Variants in SPATA6 observed in about 807,000 individuals in gnomAD.
SPATA6 encodes spermatogenesis associated 6.
Under a neutral mutation model 65.3 loss-of-function variants are expected in SPATA6, and 56 were observed. The ratio of observed to expected loss-of-function variants is 0.86; its 90% CI spans 0.69 to 1.07. The LOEUF is 1.07. SPATA6 is among the 50% of genes least tolerant of loss of function. SPATA6 has a pLI of 0.00. For synonymous variants in SPATA6, 199 were observed against 213.2 expected, an observed-to-expected ratio of 0.93 and a Z score of 0.58; for missense variants, 590 against 594.8, an observed-to-expected ratio of 0.99 and a Z score of 0.08.
intron 3 of SPATA6, among the ~76,000 whole-genome samples, chr1:48,428,893 T>TTG (rs1377941751): frequency 4.8e-5 from 6 of 123,802 alleles, no homozygotes; most frequent in African/African-American, 1.8e-4. Context: ...GTGTGTGTGT[T>TTG]TGTGTGTGTG....
intron 11 of SPATA6, among the ~76,000 whole-genome samples, chr1:48,328,254 G>T (rs1394255354): frequency 6.6e-6 from 1 of 152,040 alleles, no homozygotes; most frequent in Non-Finnish European, 1.5e-5. Context: ...ATAAATAATA[G>T]TTTGGCAATT....
chr1:48,317,589 A>T (rs1028980898), intron 11 of SPATA6, among the ~76,000 whole-genome samples: 8 of 152,166 alleles, frequency 5.3e-5, no homozygotes, highest in African/African-American at 1.7e-4. Context: ...ATGATGAGTT[A>T]ATGGGTGCAG....
chr1:48,311,094 T>A (rs1472178905), intron 11 of SPATA6, among the ~76,000 whole-genome samples: 1 of 152,078 alleles, frequency 6.6e-6, no homozygotes, highest in East Asian at 1.9e-4. Context: ...TAGAGGAACA[T>A]GGCTATAAAC....
intron 8 of SPATA6, among the ~76,000 whole-genome samples, chr1:48,394,903 C>G (rs1175986448): frequency 6.6e-6 from 1 of 151,898 alleles, no homozygotes; most frequent in African/African-American, 2.4e-5. Context: ...AAAACCATTC[C>G]TAACAACGTA....
At chr1:48,315,387 T>C (rs918961601) in intron 11 of SPATA6, among the ~76,000 whole-genome samples, 2 of 151,750 alleles carry the variant, frequency 1.3e-5, no homozygotes, top group Non-Finnish European at 1.5e-5. Context: ...TGGTTCAACA[T>C]ACACAAATCA....
chr1:48,294,904 A>T (rs546857027), downstream of SPATA6, among the ~76,000 whole-genome samples: 1 of 152,146 alleles, frequency 6.6e-6, no homozygotes, highest in Non-Finnish European at 1.5e-5. Context: ...ATGCCTCTGC[A>T]TGTTCTGTTT....
intron 11 of SPATA6, among the ~76,000 whole-genome samples, chr1:48,340,241 TAAAAAAAAAAAAAAAAA>T (rs58721253): frequency 1.9e-5 from 1 of 53,062 alleles, no homozygotes; most frequent in African/African-American, 1.7e-4. Context: ...AGGCCTGCAC[TAAAAAAAAAAAAAAAAA>T]AAAAAAAAAA....
At chr1:48,385,278 C>T in intron 9 of SPATA6, 31 bp downstream of exon 9, 3 of 1,570,150 alleles carry the variant, frequency 1.9e-6, no homozygotes, top group East Asian at 2.3e-5. Context: ...AAAGCCAGAA[C>T]AATTATTATT....
intron 11 of SPATA6, among the ~76,000 whole-genome samples, chr1:48,328,695 T>G (rs1645833498): frequency 6.6e-6 from 1 of 152,156 alleles, no homozygotes; most frequent in Non-Finnish European, 1.5e-5. Context: ...GTGATTTTTT[T>G]GAGTATAGTA....
At position 48,295,932 on chromosome 1, in the gene SPATA6, C is replaced by A. The variant is rs1644805975; in HGVS notation, c.*2781G>T. On this transcript the variant is annotated 3_prime_UTR_variant, in exon 13 of 13. Coordinates refer to ENST00000371847, the MANE Select transcript of SPATA6 (RefSeq NM_019073.4). The stretch of plus-strand genomic sequence containing the variant: ...TTTTATCACCTTGTTGGTGAGAAAA[C>A]TGAGCTCCAAGAAGCATAAATGACT... 6.6e-6 allele frequency: 1 copy of A among 152,010 alleles called. No homozygotes were observed. The highest frequency in any genetic ancestry group is 2.1e-4 in the South Asian group (1 of 4,824). 9.4% of individuals were successfully genotyped at this position (152,010 alleles called of 1,614,324 possible).
intron 10 of SPATA6, among the ~76,000 whole-genome samples, chr1:48,356,360 C>G (rs1170037592): frequency 6.6e-6 from 1 of 151,582 alleles, no homozygotes; most frequent in African/African-American, 2.4e-5. Flanking sequence ...AAAACTGACA[C>G]TAGTATAGAT....
At chr1:48,279,608 G>A in the SPATA6 span, among the ~76,000 whole-genome samples, 30 of 152,118 alleles carry the variant, frequency 2.0e-4, no homozygotes, top group Admixed American at 3.3e-4. Flanking sequence ...ATGGTAAAGG[G>A]ATCAATTCAA....
the SPATA6 span, among the ~76,000 whole-genome samples, chr1:48,264,771 T>C: frequency 6.6e-6 from 1 of 152,232 alleles, no homozygotes; most frequent in African/African-American, 2.4e-5. Context: ...CTATCGTTGA[T>C]GGGCATTTGG....
chr1:48,439,335 G>A (rs1247252400), intron 3 of SPATA6, among the ~76,000 whole-genome samples: 1 of 152,176 alleles, frequency 6.6e-6, no homozygotes, highest in Non-Finnish European at 1.5e-5. Context: ...CTGCTGCTGC[G>A]ATGCTGAGCG....
chr1:48,391,087 G>A (rs1050765017), intron 8 of SPATA6, among the ~76,000 whole-genome samples: 2 of 151,736 alleles, frequency 1.3e-5, no homozygotes, highest in African/African-American at 2.4e-5. Context: ...AAGGACATCC[G>A]GACACGGTGC....
At chr1:48,275,454 C>T in the SPATA6 span, among the ~76,000 whole-genome samples, 1 of 152,124 alleles carries the variant, frequency 6.6e-6, no homozygotes, top group Non-Finnish European at 1.5e-5. Flanking sequence ...TTTGCCCATT[C>T]AGTATGATAT....
chr1:48,421,083 C>A (rs932259437), intron 3 of SPATA6, among the ~76,000 whole-genome samples: 2 of 151,952 alleles, frequency 1.3e-5, no homozygotes, highest in Non-Finnish European at 2.9e-5. Flanking sequence ...TTGATGAGTA[C>A]AAGATTACAG....
At chr1:48,294,499 A>G (rs1644788238), downstream of SPATA6, among the ~76,000 whole-genome samples, 1 of 152,232 alleles carries the variant, frequency 6.6e-6, no homozygotes, top group African/African-American at 2.4e-5. Context: ...ATGGTCACAT[A>G]TAAATTAGGA....
At chr1:48,318,089 C>G (rs149973977) in intron 11 of SPATA6, among the ~76,000 whole-genome samples, 158 of 152,204 alleles carry the variant, frequency 1.0e-3, no homozygotes, top group African/African-American at 3.7e-3. Flanking sequence ...AAGCATTTGA[C>G]AAATACCAAG....
Sources: allele counts gnomAD v4.1 joint callset (sites outside exome capture counted in the v4.1 genomes callset), GRCh38; gene constraint gnomAD v4.1.1; transcripts MANE v1.5; gene names NCBI Gene and HGNC (gene_info 2026-07-23, HGNC 2026-07-21).